The following RASEF variants were observed in gnomAD, a reference collection of about 807,000 sequenced individuals.
RASEF encodes the protein ras and EF-hand domain-containing protein.
RASEF carries 68 observed loss-of-function variants against 90.1 expected under a neutral mutation model. The ratio of observed to expected loss-of-function variants is 0.75; its 90% confidence interval spans 0.62 to 0.92. RASEF has a LOEUF of 0.92. RASEF is among the 40% of genes least tolerant of loss of function. The probability of loss-of-function intolerance (pLI) is 0.00; values close to 1 mark genes in which losing one functional copy is unlikely to be tolerated. For synonymous variants in RASEF, 331 were observed against 345.2 expected, an observed-to-expected ratio of 0.96 and a Z score of 0.46; for missense variants, 949 against 937.2, an observed-to-expected ratio of 1.01 and a Z score of -0.16.
the RASEF span, among the ~76,000 whole-genome samples, chr9:83,105,470 C>T: frequency 6.6e-6 from 1 of 152,102 alleles, no homozygotes; most frequent in Non-Finnish European, 1.5e-5. Flanking sequence ...CCTGTCACTC[C>T]CCAAGTTTAT....
chr9:83,065,706 C>G (rs1264259465), upstream of RASEF, among the ~76,000 whole-genome samples: 2 of 152,194 alleles, frequency 1.3e-5, no homozygotes, highest in African/African-American at 2.4e-5. Flanking sequence ...TCCTAACATC[C>G]TGTTTATTCT....
At chr9:83,022,516 T>C in intron 2 of RASEF, 90 bp from the exon 3 acceptor site, 1 of 892,498 alleles carries the variant, frequency 1.1e-6, no homozygotes, top group Non-Finnish European at 1.8e-6. Context: ...TTAAGCCCTA[T>C]ATATTACAGA....
the RASEF span, among the ~76,000 whole-genome samples, chr9:83,126,945 T>C: frequency 1.3e-5 from 2 of 152,212 alleles, no homozygotes; most frequent in Non-Finnish European, 2.9e-5. Flanking sequence ...AAGTTTTAGA[T>C]CTTTTTATGC....
chr9:83,044,411 G>A (rs60115968), intron 1 of RASEF, among the ~76,000 whole-genome samples: 4,042 of 152,196 alleles, frequency 0.027, 169 homozygotes, highest in African/African-American at 0.091. Flanking sequence ...ATTGTAGGGT[G>A]AAGACAGAGG....
chr9:83,213,093 TA>T, the RASEF span, among the ~76,000 whole-genome samples: 3,420 of 145,680 alleles, frequency 0.023, 95 homozygotes, highest in African/African-American at 0.074. Flanking sequence ...GCACACGTTT[TA>T]AAAAAAAAAA....
the RASEF span, among the ~76,000 whole-genome samples, chr9:83,150,911 C>T: frequency 6.6e-6 from 1 of 152,090 alleles, no homozygotes; most frequent in Admixed American, 6.6e-5. Context: ...CTTAACTCTC[C>T]GTATGAATGT....
chr9:83,115,995 C>A, the RASEF span, among the ~76,000 whole-genome samples: 215 of 152,146 alleles, frequency 1.4e-3, no homozygotes, highest in Non-Finnish European at 2.5e-3. Flanking sequence ...GTATACCATG[C>A]CTTTTTTGAA....
the RASEF span, among the ~76,000 whole-genome samples, chr9:83,081,332 G>A: frequency 2.6e-5 from 4 of 152,088 alleles, no homozygotes; most frequent in Non-Finnish European, 4.4e-5. Context: ...ATATTGTTTC[G>A]TACAGAAAAA....
At chr9:83,212,661 A>C in the RASEF span, among the ~76,000 whole-genome samples, 1 of 152,308 alleles carries the variant, frequency 6.6e-6, no homozygotes, top group African/African-American at 2.4e-5. Flanking sequence ...AACTTCCAAG[A>C]AATAAGCTTT....
the RASEF span, among the ~76,000 whole-genome samples, chr9:83,126,332 GTT>G: frequency 6.6e-6 from 1 of 152,144 alleles, no homozygotes; most frequent in African/African-American, 2.4e-5. Flanking sequence ...GAAGGTGGCT[GTT>G]TGCAAGCCCA....
the RASEF span, among the ~76,000 whole-genome samples, chr9:83,083,552 A>G: frequency 1.9e-4 from 29 of 152,190 alleles, no homozygotes; most frequent in Admixed American, 1.5e-3. Context: ...AACAAGATGT[A>G]CATTTCAACA....
rs1349893256 is a variant in RASEF at position 83,005,354 on chromosome 9, T to A, written c.1113+62A>T. 4.2e-6 allele frequency: 5 copies of A among 1,192,060 alleles called. No homozygotes were observed. In the East Asian group the frequency reaches 9.3e-5, roughly 22 times the overall value. The allele number at this position is 1,192,060 out of a possible 1,614,324, so 73.8% of individuals were successfully genotyped here. A position where few individuals can be genotyped will look rare whatever the true frequency, so the allele number is the denominator to read the frequency against. On this transcript the variant is annotated intron_variant, in intron 8 of 16. Transcript: ENST00000376447. Reference sequence around the variant, plus strand: ...CCTTTAAGAAATTACATTATTTTCATCAACACCAAAATACTCCACCACTAG... The same window carrying A: ...CCTTTAAGAAATTACATTATTTTCAACAACACCAAAATACTCCACCACTAG...
At chr9:83,186,505 C>A in the RASEF span, among the ~76,000 whole-genome samples, 68 of 152,160 alleles carry the variant, frequency 4.5e-4, no homozygotes, top group Non-Finnish European at 1.3e-4. Flanking sequence ...AGCCCCCAGC[C>A]TCCTCCTGCA....
chr9:83,206,349 T>A, the RASEF span, among the ~76,000 whole-genome samples: 1 of 152,242 alleles, frequency 6.6e-6, no homozygotes, highest in East Asian at 1.9e-4. Flanking sequence ...GGCAAATTTC[T>A]ATTTTCTAAT....
rs115292768 is a variant in RASEF at position 83,062,648 on chromosome 9, A to C, written c.220T>G (p.Ser74Ala). 4,029 of 1,559,508 alleles carry C rather than the reference A, an allele frequency of 2.6e-3. 70 individuals are homozygous for C. The African/African-American group carries it at 0.048, about 19-fold the overall frequency. Residue 74 changes from serine to alanine, a missense_variant, in exon 1 of 17, where the codon TCC (serine) becomes GCC (alanine). Ser to Ala is a moderately conservative substitution (Grantham distance 99). Around this residue, in one of 3 missense-constraint regions of RASEF, gnomAD observed 656 missense variants for 592.2 expected, o/e 1.11. Transcript: ENST00000376447. ...TCCCGGCGCCGCCCCCCGCGGAGGG[A>C]CCCGAGGAAGCCACGCGCGAACTCC... is the stretch of plus-strand genomic sequence containing the variant. ...FQEFARGFLG[S>A]LRGGRRRDWG...
the RASEF span, among the ~76,000 whole-genome samples, chr9:83,147,243 A>G: frequency 6.6e-6 from 1 of 152,066 alleles, no homozygotes; most frequent in African/African-American, 2.4e-5. Context: ...TCTTGGTGAC[A>G]AAAATACTAT....
chr9:83,032,990 AAC>A (rs941461178), intron 1 of RASEF, among the ~76,000 whole-genome samples: 4 of 152,196 alleles, frequency 2.6e-5, no homozygotes, highest in Admixed American at 2.6e-4. Flanking sequence ...CACATTAAGA[AAC>A]ACAGTGATCC....
intron 1 of RASEF, chr9:83,048,467 C>T (rs936179557): frequency 1.0e-6 from 1 of 985,032 alleles, no homozygotes; most frequent in Non-Finnish European, 1.2e-6. Context: ...GCAACTTGGA[C>T]TTTTGGCAGG....
intron 3 of RASEF, among the ~76,000 whole-genome samples, chr9:83,018,351 T>G (rs1387410261): frequency 2.0e-5 from 3 of 152,140 alleles, no homozygotes; most frequent in Non-Finnish European, 2.9e-5. Context: ...AAATTGAAAT[T>G]TTTAGAAATA....
Sources: allele counts gnomAD v4.1 joint callset (sites outside exome capture counted in the v4.1 genomes callset), GRCh38; gene constraint gnomAD v4.1.1; regional missense constraint gnomAD v4.1.1; transcripts MANE v1.5; gene names NCBI Gene and HGNC (gene_info 2026-07-23, HGNC 2026-07-21).